The following ANGPT1 variants were observed in gnomAD, a reference collection of about 807,000 sequenced individuals.
ANGPT1 encodes the protein angiopoietin-1.
A neutral mutation model predicts 62.2 loss-of-function variants in ANGPT1; 17 were observed. That is an observed-to-expected ratio of 0.27 (90% CI 0.19 to 0.41). ANGPT1 has a LOEUF of 0.41. Ranked by LOEUF, ANGPT1 falls within the 10% of genes least tolerant of loss-of-function variation. ANGPT1 has a pLI of 1.00. For synonymous variants in ANGPT1, 199 were observed against 198.9 expected (o/e 1.00, Z 0.00); for missense variants, 478 against 594.9 (o/e 0.80, Z 2.04).
At chr8:107,272,303 AAAAATCTTTAG>A (rs1455084275) in intron 7 of ANGPT1, among the ~76,000 whole-genome samples, 1 of 152,082 alleles carries the variant, frequency 6.6e-6, no homozygotes, top group East Asian at 1.9e-4. Context: ...CCAAATGATG[AAAAATCTTTAG>A]AAAATTGAGT....
chr8:107,461,407 A>G (rs895285991), intron 1 of ANGPT1, among the ~76,000 whole-genome samples: 2 of 152,152 alleles, frequency 1.3e-5, no homozygotes, highest in African/African-American at 4.8e-5. Context: ...CTTAATTCTT[A>G]CTATTAATCA....
At chr8:107,449,327 T>C (rs1456581763) in intron 1 of ANGPT1, among the ~76,000 whole-genome samples, 1 of 151,830 alleles carries the variant, frequency 6.6e-6, no homozygotes, top group Admixed American at 6.6e-5. Context: ...TTTCAATCTA[T>C]AGTAGGCAGA....
At chr8:107,380,500 A>AT (rs923373291) in intron 1 of ANGPT1, among the ~76,000 whole-genome samples, 39 of 150,780 alleles carry the variant, frequency 2.6e-4, no homozygotes, top group African/African-American at 7.6e-4. Flanking sequence ...GACTGTTTGG[A>AT]TTTTTTTTTC....
At chr8:107,454,166 C>G (rs555624214) in intron 1 of ANGPT1, among the ~76,000 whole-genome samples, 2 of 152,078 alleles carry the variant, frequency 1.3e-5, no homozygotes, top group African/African-American at 2.4e-5. Flanking sequence ...GCAAATGGTT[C>G]AGAAAAGAAC....
chr8:107,483,613 TA>T (rs139666842), intron 1 of ANGPT1, among the ~76,000 whole-genome samples: 7,996 of 152,228 alleles, frequency 0.053, 243 homozygotes, highest in South Asian at 0.11. Flanking sequence ...TAAGGTCTTT[TA>T]AGTGATGACT....
At chr8:107,370,561 G>T (rs1448371216) in intron 1 of ANGPT1, among the ~76,000 whole-genome samples, 5 of 42 alleles carry the variant, frequency 0.12, no homozygotes, top group African/African-American at 0.33. Flanking sequence ...AATTAGCCGG[G>T]CATGGTGGGC....
chr8:107,407,479 T>C (rs147293610), intron 1 of ANGPT1, among the ~76,000 whole-genome samples: 156 of 152,230 alleles, frequency 1.0e-3, no homozygotes, highest in African/African-American at 3.5e-3. Flanking sequence ...TTCAAAAGAA[T>C]GGGGATGGAA....
At chr8:107,283,945 G>A (rs749064847) in intron 7 of ANGPT1, 1 of 152,126 alleles carries the variant, frequency 6.6e-6, no homozygotes, top group African/African-American at 2.4e-5. Flanking sequence ...AGAATTCCAG[G>A]AACACAGAAG....
chr8:107,487,961 A>G (rs1263171994), intron 1 of ANGPT1, among the ~76,000 whole-genome samples: 2 of 152,192 alleles, frequency 1.3e-5, no homozygotes, highest in Admixed American at 6.5e-5. Context: ...ATCCTTTACA[A>G]TATGAGGCAA....
chr8:107,404,784 A>G (rs1026091935), intron 1 of ANGPT1, among the ~76,000 whole-genome samples: 5 of 152,098 alleles, frequency 3.3e-5, no homozygotes, highest in African/African-American at 1.2e-4. Flanking sequence ...GCTCTCCAAA[A>G]AGACTGTACC....
intron 6 of ANGPT1, among the ~76,000 whole-genome samples, chr8:107,288,586 T>C (rs16875996): frequency 0.23 from 34,521 of 151,962 alleles, 4,487 homozygotes; most frequent in Middle Eastern, 0.36. Flanking sequence ...GAGCTATACA[T>C]GTAAAAGGTT....
In ANGPT1 at chr8:107,393,923, G is replaced by T. The variant is rs143319900; in HGVS notation, c.298-46826C>A. Among the ~76,000 whole-genome samples the T allele has an allele frequency of 1.9e-3, 286 of 152,282 alleles. 1 individual carries two copies. Among genetic ancestry groups the T allele is most frequent in the African/African-American group, 6.4e-3 (264 of 41,556 alleles). On this transcript the variant is annotated intron_variant, in intron 1 of 8. Coordinates refer to ENST00000517746, the MANE Select transcript of ANGPT1 (RefSeq NM_001146.5). ...AACCTGCTAAGACAAAACAAAAGCAGAATCGTAAGTGAAAATATATAGGGA... is the reference window on the plus strand; with the variant it reads ...AACCTGCTAAGACAAAACAAAAGCATAATCGTAAGTGAAAATATATAGGGA...
intron 8 of ANGPT1, among the ~76,000 whole-genome samples, chr8:107,261,443 C>A (rs187802309): frequency 1.9e-3 from 282 of 152,244 alleles, no homozygotes; most frequent in African/African-American, 6.2e-3. Flanking sequence ...CGGTGGCTCA[C>A]ACCTGTAATC....
intron 1 of ANGPT1, among the ~76,000 whole-genome samples, chr8:107,348,619 G>A (rs1371855595): frequency 6.6e-6 from 1 of 152,282 alleles, no homozygotes; most frequent in Non-Finnish European, 1.5e-5. Flanking sequence ...TTATCAAAAT[G>A]TAAGGCCTGT....
At chr8:107,434,956 A>G (rs1008635758) in intron 1 of ANGPT1, among the ~76,000 whole-genome samples, 2 of 152,322 alleles carry the variant, frequency 1.3e-5, no homozygotes, top group Admixed American at 1.3e-4. Context: ...TGAATGAAAG[A>G]GGAATACTTG....
chr8:107,373,985 TC>T (rs1321394361), intron 1 of ANGPT1, among the ~76,000 whole-genome samples: 14 of 152,240 alleles, frequency 9.2e-5, no homozygotes, highest in African/African-American at 3.1e-4. Flanking sequence ...GCTGTTTGGT[TC>T]CCTTTCCAAA....
intron 1 of ANGPT1, among the ~76,000 whole-genome samples, chr8:107,353,982 T>C (rs1176218969): frequency 1.3e-5 from 2 of 152,152 alleles, no homozygotes; most frequent in African/African-American, 2.4e-5. Context: ...CTGAGGCATA[T>C]ATAGAAGCTA....
intron 4 of ANGPT1, among the ~76,000 whole-genome samples, chr8:107,306,826 C>A (rs181331535): frequency 3.3e-5 from 5 of 151,990 alleles, no homozygotes; most frequent in Admixed American, 2.6e-4. Flanking sequence ...AGGAGGATCC[C>A]TTGAGGCCAG....
rs1253005238 is a variant in ANGPT1, at chr8:107,417,101, T to C, written c.298-70004A>G. 2.6e-5 allele frequency among the ~76,000 whole-genome samples: 4 copies of C among 152,236 alleles called. No homozygotes were observed. In the East Asian group the frequency reaches 5.8e-4, roughly 22 times the overall value. On this transcript the variant is annotated intron_variant, in intron 1 of 8. Transcript: ENST00000517746. ...ACCGTGCCTGGAGAGAATTTCTGTA[T>C]GGCCAGCTCAAAGACAGAGAAGATT...
Sources: allele counts gnomAD v4.1 joint callset (sites outside exome capture counted in the v4.1 genomes callset), GRCh38; gene constraint gnomAD v4.1.1; transcripts MANE v1.5; gene names NCBI Gene and HGNC (gene_info 2026-07-23, HGNC 2026-07-21).